The following LRRTM4 variants were observed in gnomAD, a reference collection of about 807,000 sequenced individuals.
The protein encoded by LRRTM4 is leucine rich repeat transmembrane neuronal 4.
A neutral mutation model predicts 47.6 loss-of-function variants in LRRTM4; 25 were observed. The observed-to-expected ratio is 0.53, with a 90% CI of 0.38 to 0.73. The LOEUF is 0.73. Among genes scored for constraint, LRRTM4 ranks in the 30% least tolerant of loss-of-function variants. The pLI is 0.00. For synonymous variants in LRRTM4, 311 were observed against 269.5 expected (o/e 1.15, Z -1.51); for missense variants, 638 against 713.4 (o/e 0.89, Z 1.20).
chr2:76,987,309 C>G (rs1676835921), intron 3 of LRRTM4: 1 of 148,262 alleles, frequency 6.7e-6, no homozygotes, highest in African/African-American at 2.5e-5. Flanking sequence ...AAAGTGCACA[C>G]TTTTCAGGAT....
intron 3 of LRRTM4, among the ~76,000 whole-genome samples, chr2:76,756,591 C>A (rs964433758): frequency 6.6e-6 from 1 of 152,148 alleles, no homozygotes; most frequent in Non-Finnish European, 1.5e-5. Context: ...TCTCTCCCTA[C>A]TGTTTTATTT....
In LRRTM4 at chr2:77,461,180, T is replaced by C. The variant is rs13406841; in HGVS notation, c.1551+57138A>G. Among the ~76,000 whole-genome samples, 1,285 of 149,552 alleles carry C rather than the reference T, an allele frequency of 8.6e-3. 14 individuals are homozygous for C. The highest frequency in any genetic ancestry group is 0.03 in the African/African-American group (1,230 of 41,102). On this transcript the variant is annotated intron_variant, in intron 3 of 3. Coordinates refer to ENST00000409884, the MANE Select transcript of LRRTM4 (RefSeq NM_001134745.3). ...GAGAGAGAGAGAGAGTTCTATCTGC[T>C]GACCTTGAAGTCTTTTCCTCTGACT...
At chr2:77,003,472 A>G (rs1156449675) in intron 3 of LRRTM4, among the ~76,000 whole-genome samples, 1 of 152,078 alleles carries the variant, frequency 6.6e-6, no homozygotes, top group Non-Finnish European at 1.5e-5. Context: ...CTTTCTTGTG[A>G]TAGTGAGTAA....
intron 3 of LRRTM4, among the ~76,000 whole-genome samples, chr2:76,840,635 C>T (rs1478475358): frequency 1.3e-5 from 2 of 152,160 alleles, no homozygotes; most frequent in East Asian, 3.8e-4. Flanking sequence ...GCTTGAGTTT[C>T]ACAGCTGCCC....
intron 3 of LRRTM4, among the ~76,000 whole-genome samples, chr2:77,054,474 C>T (rs1394265942): frequency 6.6e-6 from 1 of 152,144 alleles, no homozygotes; most frequent in Admixed American, 6.5e-5. Context: ...CCTCACTTGG[C>T]ATTTTGTGAG....
At chr2:76,853,615 A>T (rs1382176157) in intron 3 of LRRTM4, among the ~76,000 whole-genome samples, 1 of 152,132 alleles carries the variant, frequency 6.6e-6, no homozygotes, top group Non-Finnish European at 1.5e-5. Flanking sequence ...AATAGGCTAA[A>T]TGGCAAATCT....
rs1675422136 is a variant in LRRTM4 at position 77,245,555 on chromosome 2, A to C, written c.1551+272763T>G. ...AAAAAAAAAGAAGAAGAAGAGAAGA[A>C]GAGAAAGTTTATTGATGTTCAGAAT... is the stretch of plus-strand genomic sequence containing the variant. On this transcript the variant is annotated intron_variant, in intron 3 of 3. Transcript: ENST00000409884. Among the ~76,000 whole-genome samples the C allele has an allele frequency of 2.0e-5, 3 of 150,146 alleles. No homozygotes were observed. The South Asian group carries it at 6.3e-4, about 31-fold the overall frequency.
At chr2:77,491,703 G>A (rs1422900145) in intron 3 of LRRTM4, among the ~76,000 whole-genome samples, 1 of 151,688 alleles carries the variant, frequency 6.6e-6, no homozygotes, top group African/African-American at 2.4e-5. Flanking sequence ...TAAATAACCA[G>A]AATATATTTT....
chr2:76,751,686 G>A, intron 3 of LRRTM4, among the ~76,000 whole-genome samples: 1 of 152,030 alleles, frequency 6.6e-6, no homozygotes, highest in East Asian at 1.9e-4. Context: ...TTTGCCAGCG[G>A]GACCTATTTT....
rs955262534 is a variant in LRRTM4, at chr2:76,979,165, G to A, written c.1552-230249C>T. Reference sequence around the variant, plus strand: ...TTCTAGCATTATCAGACATGCATAGGATCACATATCAGGCATTTCTTGGGG... The same window carrying A: ...TTCTAGCATTATCAGACATGCATAGAATCACATATCAGGCATTTCTTGGGG... On this transcript the variant is annotated intron_variant, in intron 3 of 3. Transcript: ENST00000409884. 5.9e-5 allele frequency among the ~76,000 whole-genome samples: 9 copies of A among 152,084 alleles called. No homozygotes were observed. In the South Asian group the frequency reaches 1.9e-3, roughly 32 times the overall value.
intron 3 of LRRTM4, among the ~76,000 whole-genome samples, chr2:77,174,116 T>C (rs545508467): frequency 6.6e-6 from 1 of 152,072 alleles, no homozygotes; most frequent in Non-Finnish European, 1.5e-5. Flanking sequence ...CATCCAGCCC[T>C]GCCCACCAAA....
intron 3 of LRRTM4, among the ~76,000 whole-genome samples, chr2:77,130,874 G>A (rs1363900880): frequency 9.2e-5 from 9 of 97,300 alleles, no homozygotes; most frequent in Admixed American, 5.2e-4. Context: ...TCGCTCTGTC[G>A]CCCAGGCTGG....
intron 3 of LRRTM4, among the ~76,000 whole-genome samples, chr2:77,485,682 T>G (rs1434557395): frequency 6.6e-6 from 1 of 152,204 alleles, no homozygotes; most frequent in Non-Finnish European, 1.5e-5. Context: ...TAAACAAAAG[T>G]GAAGATTGGC....
At chr2:77,222,962 A>G (rs543532790) in intron 3 of LRRTM4, among the ~76,000 whole-genome samples, 12 of 152,148 alleles carry the variant, frequency 7.9e-5, no homozygotes, top group Non-Finnish European at 1.6e-4. Context: ...TCCTCAATAA[A>G]ATACTGGCAA....
chr2:77,425,690 T>C (rs1328542632), intron 3 of LRRTM4, among the ~76,000 whole-genome samples: 1 of 152,248 alleles, frequency 6.6e-6, no homozygotes, highest in Non-Finnish European at 1.5e-5. Flanking sequence ...AAGATATGTA[T>C]ATCCACTGCC....
chr2:76,978,906 G>C (rs1374364639), intron 3 of LRRTM4, among the ~76,000 whole-genome samples: 2 of 151,970 alleles, frequency 1.3e-5, no homozygotes, highest in African/African-American at 4.8e-5. Context: ...GAAATGAAGG[G>C]AAAGTGCAGA....
At chr2:77,153,940 T>C (rs534984492) in intron 3 of LRRTM4, among the ~76,000 whole-genome samples, 98 of 152,322 alleles carry the variant, frequency 6.4e-4, no homozygotes, top group African/African-American at 2.3e-3. Context: ...TCAAATATGT[T>C]GTAAGATATA....
chr2:77,385,729 T>C (rs955766139), intron 3 of LRRTM4, among the ~76,000 whole-genome samples: 4 of 149,006 alleles, frequency 2.7e-5, no homozygotes, highest in Admixed American at 2.7e-4. Flanking sequence ...TATATTTATG[T>C]AGTACATGGT....
At chr2:77,146,926 A>C (rs533026314) in intron 3 of LRRTM4, among the ~76,000 whole-genome samples, 10 of 152,264 alleles carry the variant, frequency 6.6e-5, no homozygotes, top group African/African-American at 2.2e-4. Flanking sequence ...ATTTAGAGGG[A>C]GCTAGTTTAT....
Sources: allele counts gnomAD v4.1 joint callset (sites outside exome capture counted in the v4.1 genomes callset), GRCh38; gene constraint gnomAD v4.1.1; transcripts MANE v1.5; gene names NCBI Gene and HGNC (gene_info 2026-07-23, HGNC 2026-07-21).